Variants in ARHGAP32 observed in about 807,000 individuals in gnomAD.
The protein encoded by ARHGAP32 is rho GTPase-activating protein 32.
Under a neutral mutation model 186.5 loss-of-function variants are expected in ARHGAP32, and 51 were observed. That is an observed-to-expected ratio of 0.27 (90% CI 0.22 to 0.35). ARHGAP32 has a LOEUF of 0.35. Among genes scored for constraint, ARHGAP32 ranks in the 10% least tolerant of loss-of-function variants. The probability of loss-of-function intolerance (pLI) is 1.00; values close to 1 mark genes in which losing one functional copy is unlikely to be tolerated. For missense variants in ARHGAP32, 2,186 were observed against 2,623.5 expected (o/e 0.83, Z 3.64); for synonymous variants, 950 against 964.3 (o/e 0.99, Z 0.27).
At chr11:129,086,358 A>G (rs1216561604) in intron 6 of ARHGAP32, among the ~76,000 whole-genome samples, 1 of 152,230 alleles carries the variant, frequency 6.6e-6, no homozygotes, top group African/African-American at 2.4e-5. Context: ...GAGAAAATCT[A>G]GATGACCTTA....
intron 1 of ARHGAP32, among the ~76,000 whole-genome samples, chr11:129,238,042 A>G (rs904271526): frequency 3.9e-5 from 6 of 152,130 alleles, no homozygotes; most frequent in African/African-American, 1.4e-4. Context: ...TGGGGCAGAG[A>G]AAAAGTCAAG....
intron 10 of ARHGAP32, among the ~76,000 whole-genome samples, chr11:129,052,290 C>T (rs1940083776): frequency 6.6e-6 from 1 of 152,180 alleles, no homozygotes; most frequent in South Asian, 2.1e-4. Context: ...ACCAATACCA[C>T]ACTCTCTTGA....
chr11:129,061,576 C>T (rs1343431892), intron 10 of ARHGAP32, among the ~76,000 whole-genome samples: 1 of 152,130 alleles, frequency 6.6e-6, no homozygotes, highest in Non-Finnish European at 1.5e-5. Context: ...CAACAGTCAA[C>T]CTGATAACTG....
rs540242105 is a variant in ARHGAP32 at position 129,239,295 on chromosome 11, T to C, written c.-5+39851A>G. The stretch of plus-strand genomic sequence containing the variant: ...TACCTAACTTTTTTTGTGTGAGCAC[T>C]TACTCTGTTAGAACATGCAGTAAGC... On this transcript the variant is annotated intron_variant, in intron 1 of 6. Coordinates refer to the ARHGAP32 transcript ENST00000525234. 2.0e-4 allele frequency among the ~76,000 whole-genome samples: 30 copies of C among 152,334 alleles called. 1 individual carries two copies. The South Asian group carries it at 6.2e-3, about 32-fold the overall frequency.
chr11:128,965,901 C>T lies in ARHGAP32; in HGVS notation c.*3006G>A, dbSNP rs1431246925. On this transcript the variant is annotated 3_prime_UTR_variant, in exon 23 of 23. Transcript: ENST00000682385. The stretch of plus-strand genomic sequence containing the variant: ...GTTAGTTAACAGTCCCTCCTCTCTA[C>T]AGAATTAGTCCTAGAATTTTTCAAC... 1 of 152,192 alleles carries T rather than the reference C, an allele frequency of 6.6e-6. No homozygotes were observed. The highest frequency in any genetic ancestry group is 6.5e-5 in the Admixed American group (1 of 15,270). The allele number at this position is 152,192 out of a possible 1,614,324, so 9.4% of individuals were successfully genotyped here. A position where few individuals can be genotyped will look rare whatever the true frequency, so the allele number is the denominator to read the frequency against.
intron 1 of ARHGAP32, among the ~76,000 whole-genome samples, chr11:129,250,874 A>T (rs950517781): frequency 6.6e-6 from 1 of 151,790 alleles, no homozygotes; most frequent in Non-Finnish European, 1.5e-5. Flanking sequence ...GTCATACCTC[A>T]CACTTAATCT....
chr11:129,193,791 A>G (rs953269201), upstream of ARHGAP32, among the ~76,000 whole-genome samples: 2 of 129,426 alleles, frequency 1.5e-5, no homozygotes, highest in Non-Finnish European at 3.1e-5. Flanking sequence ...TTCAAAAAAA[A>G]TTTTTTAAAC....
chr11:129,018,600 A>G (rs1197997950), intron 11 of ARHGAP32, among the ~76,000 whole-genome samples: 1 of 152,192 alleles, frequency 6.6e-6, no homozygotes, highest in East Asian at 1.9e-4. Context: ...GTTCGCATTC[A>G]TCTTGGGAAA....
At position 129,098,484 on chromosome 11, in the gene ARHGAP32, T is replaced by C. The variant is rs1591612568; in HGVS notation, c.445-4777A>G. Among the ~76,000 whole-genome samples the C allele has an allele frequency of 2.0e-5, 3 of 151,986 alleles. 1 individual carries two copies. In the South Asian group the frequency reaches 6.3e-4, roughly 32 times the overall value. On this transcript the variant is annotated intron_variant, in intron 5 of 22. Coordinates refer to ENST00000682385, the MANE Select transcript of ARHGAP32 (RefSeq NM_001378024.1). ...CCCAGGCTGGAGTGCAGTGGCGCGA[T>C]CTCGGCTCACTACAAGCTCTGCCTC...
intron 1 of ARHGAP32, among the ~76,000 whole-genome samples, chr11:129,180,061 G>A (rs1944019351): frequency 6.6e-6 from 1 of 151,644 alleles, no homozygotes; most frequent in South Asian, 2.1e-4. Context: ...AAGATCACTG[G>A]TTTACATGGT....
Position 128,998,350 on chromosome 11 carries a change from C to T in ARHGAP32, c.1164G>A (p.Leu388=), listed in dbSNP as rs746397942. 9 of 1,585,726 alleles carry T rather than the reference C, an allele frequency of 5.7e-6. No homozygotes were observed. In the East Asian group the frequency reaches 1.6e-4, roughly 28 times the overall value. Residue 388 remains leucine (L), a synonymous_variant, in exon 12 of 23, where the codon CTG becomes CTA. Transcript: ENST00000682385. The part of the protein sequence containing the change: ...ILKERVFGCD[L]GEHLLNSGFE... ...AACCAGAATTTAGAAGGTGTTCCCC[C>T]AGGTCACAACCAAACACCCTCTCTT... is the stretch of plus-strand genomic sequence containing the variant.
chr11:129,161,128 T>G (rs1943521239), intron 2 of ARHGAP32, among the ~76,000 whole-genome samples: 1 of 152,046 alleles, frequency 6.6e-6, no homozygotes, highest in African/African-American at 2.4e-5. Flanking sequence ...CTGGACCCCT[T>G]CTTACACCTT....
intron 1 of ARHGAP32, among the ~76,000 whole-genome samples, chr11:129,248,400 C>T (rs1945133168): frequency 6.6e-6 from 1 of 151,954 alleles, no homozygotes; most frequent in Non-Finnish European, 1.5e-5. Flanking sequence ...TCTTGGCTCC[C>T]GTTATTTCGA....
chr11:129,007,393 G>C (rs971007261), intron 11 of ARHGAP32, among the ~76,000 whole-genome samples: 1 of 152,002 alleles, frequency 6.6e-6, no homozygotes, highest in African/African-American at 2.4e-5. Flanking sequence ...AGGTATCACT[G>C]CTGGTTATTC....
intron 11 of ARHGAP32, among the ~76,000 whole-genome samples, chr11:129,009,887 C>T (rs1937987429): frequency 6.6e-6 from 1 of 152,180 alleles, no homozygotes; most frequent in Non-Finnish European, 1.5e-5. Flanking sequence ...CTTTGAGGAA[C>T]TGCCACACTG....
intron 1 of ARHGAP32, among the ~76,000 whole-genome samples, chr11:129,189,868 C>T (rs1944239257): frequency 6.6e-6 from 1 of 152,176 alleles, no homozygotes; most frequent in Admixed American, 6.5e-5. Flanking sequence ...CAGAAGCCTA[C>T]ATTCTAGGTG....
At chr11:129,064,510 C>T (rs1039563167) in intron 8 of ARHGAP32, among the ~76,000 whole-genome samples, 22 of 152,124 alleles carry the variant, frequency 1.4e-4, no homozygotes, top group African/African-American at 5.3e-4. Context: ...AAAGTTGTCC[C>T]TTGCTAATAA....
At chr11:129,023,924 T>C (rs184702159) in intron 11 of ARHGAP32, 1 of 985,426 alleles carries the variant, frequency 1.0e-6, no homozygotes, top group African/African-American at 1.7e-5. Context: ...TATTTAGCAG[T>C]AGATTCATCA....
chr11:128,978,170 CAAACTGA>C (rs551346306), intron 19 of ARHGAP32, among the ~76,000 whole-genome samples: 52 of 152,278 alleles, frequency 3.4e-4, no homozygotes, highest in Admixed American at 1.8e-3. Context: ...TACATGATTG[CAAACTGA>C]ATGACGAATT....
Sources: gnomAD v4.1 joint callset for allele counts (sites outside exome capture counted in the v4.1 genomes callset) on GRCh38, gnomAD v4.1.1 for gene constraint, MANE v1.5 for transcripts, NCBI Gene and HGNC (gene_info 2026-07-23, HGNC 2026-07-21) for gene names.